The following SHROOM3 variants were observed in gnomAD, a reference collection of about 807,000 sequenced individuals.
SHROOM3 encodes protein Shroom3.
A neutral mutation model predicts 138.6 loss-of-function variants in SHROOM3; 47 were observed. The ratio of observed to expected loss-of-function variants is 0.34; its 90% CI spans 0.27 to 0.43. The LOEUF is 0.43. Among genes scored for constraint, SHROOM3 ranks in the 20% least tolerant of loss-of-function variants. The pLI is 1.00. For missense variants in SHROOM3, 2,491 were observed against 2,596.5 expected (o/e 0.96, Z 0.88); for synonymous variants, 1,062 against 1,063.3 (o/e 1.00, Z 0.02).
chr4:76,608,614 GGA>G (rs1419237328), intron 2 of SHROOM3, among the ~76,000 whole-genome samples: 30 of 99,868 alleles, frequency 3.0e-4, no homozygotes, highest in African/African-American at 7.2e-4. Context: ...GCATAGCATT[GGA>G]CAGAGATGGT....
At chr4:76,650,768 C>T (rs1435107490) in intron 2 of SHROOM3, among the ~76,000 whole-genome samples, 1 of 152,112 alleles carries the variant, frequency 6.6e-6, no homozygotes, top group African/African-American at 2.4e-5. Context: ...TGATCTTGAA[C>T]TCCTGACCTC....
At chr4:76,503,304 C>G (rs1732139787) in intron 1 of SHROOM3, among the ~76,000 whole-genome samples, 1 of 151,816 alleles carries the variant, frequency 6.6e-6, no homozygotes, top group African/African-American at 2.4e-5. Flanking sequence ...TTAATTTTCC[C>G]AGTAATATTT....
At chr4:76,707,260 C>T (rs1720084908) in intron 2 of SHROOM3, among the ~76,000 whole-genome samples, 1 of 152,108 alleles carries the variant, frequency 6.6e-6, no homozygotes, top group African/African-American at 2.4e-5. Context: ...TGAAACCTGC[C>T]AAACTGAAAG....
chr4:76,586,038 G>C (rs1244539777), intron 2 of SHROOM3: 1 of 155,816 alleles, frequency 6.4e-6, no homozygotes, highest in South Asian at 2.1e-4. Context: ...ACCACAGCAC[G>C]ACAGGCAGCT....
At chr4:76,481,724 C>A (rs952891576) in intron 1 of SHROOM3, among the ~76,000 whole-genome samples, 13 of 152,314 alleles carry the variant, frequency 8.5e-5, no homozygotes, top group African/African-American at 2.6e-4. Context: ...AGGCCAATAT[C>A]CCTGATGGAC....
At chr4:76,606,768 C>A (rs758904497) in intron 2 of SHROOM3, among the ~76,000 whole-genome samples, 1 of 152,080 alleles carries the variant, frequency 6.6e-6, no homozygotes, top group Non-Finnish European at 1.5e-5. Context: ...AAAACCTTTA[C>A]CTCTAGAGTT....
chr4:76,601,509 A>G (rs548436866), intron 2 of SHROOM3, among the ~76,000 whole-genome samples: 1 of 152,212 alleles, frequency 6.6e-6, no homozygotes, highest in Admixed American at 6.5e-5. Context: ...TGTAAGGAAA[A>G]TATACTCCTT....
chr4:76,528,036 T>A (rs1231213486), intron 1 of SHROOM3, among the ~76,000 whole-genome samples: 2 of 152,242 alleles, frequency 1.3e-5, no homozygotes, highest in African/African-American at 4.8e-5. Flanking sequence ...ATTTCTGCAC[T>A]GATGATTAAA....
rs1287550967 is a variant in SHROOM3, at chr4:76,741,849, C to T, written c.3676C>T (p.Leu1226=). 2 of 1,608,612 alleles carry T rather than the reference C, an allele frequency of 1.2e-6. No homozygotes were observed. The highest frequency in any genetic ancestry group is 2.2e-5 in the East Asian group (1 of 44,762). Reference sequence around the variant, plus strand: ...GAAGTCCATGTCGGCCGAGGACCTGCTGGAACGCTCGGACGTCCTTGCGGG... The same window carrying T: ...GAAGTCCATGTCGGCCGAGGACCTGTTGGAACGCTCGGACGTCCTTGCGGG... The part of the protein sequence containing the change: ...AGKSMSAEDL[L]ERSDVLAGPV... Residue 1226 remains leucine, a synonymous_variant, in exon 5 of 11, where the codon CTG becomes TTG. Coordinates refer to ENST00000296043, the MANE Select transcript of SHROOM3 (RefSeq NM_020859.4). This position sits in a 1 kb window ranked among gnomAD's most constrained non-coding sequence, Gnocchi z 6.2.
intron 2 of SHROOM3, among the ~76,000 whole-genome samples, chr4:76,607,976 G>A (rs890502327): frequency 1.3e-5 from 2 of 152,158 alleles, no homozygotes; most frequent in Admixed American, 6.5e-5. Context: ...AGCTGTGCAG[G>A]CTGTTCACTC....
intron 2 of SHROOM3, among the ~76,000 whole-genome samples, chr4:76,687,958 T>C (rs1043276151): frequency 3.1e-4 from 47 of 152,264 alleles, no homozygotes; most frequent in Middle Eastern, 6.8e-3. Flanking sequence ...CTGGCTGTGT[T>C]CTCCAGCTAA....
chr4:76,541,460 C>G (rs1336086756), intron 1 of SHROOM3, among the ~76,000 whole-genome samples: 1 of 152,164 alleles, frequency 6.6e-6, no homozygotes, highest in African/African-American at 2.4e-5. Context: ...GGCCAGCTAG[C>G]CTTGGCCTCT....
intron 1 of SHROOM3, among the ~76,000 whole-genome samples, chr4:76,536,206 A>G (rs1732950737): frequency 6.6e-6 from 1 of 152,198 alleles, no homozygotes; most frequent in East Asian, 1.9e-4. Flanking sequence ...CCTGAGATGC[A>G]AAACTGGAAG....
At chr4:76,509,089 T>C (rs1271343948) in intron 1 of SHROOM3, among the ~76,000 whole-genome samples, 1 of 152,236 alleles carries the variant, frequency 6.6e-6, no homozygotes, top group African/African-American at 2.4e-5. Context: ...TATTAGATCC[T>C]AACATGAATT....
At chr4:76,673,376 A>G (rs998970447) in intron 2 of SHROOM3, among the ~76,000 whole-genome samples, 38 of 151,948 alleles carry the variant, frequency 2.5e-4, no homozygotes, top group African/African-American at 8.2e-4. Context: ...AAATAATCTT[A>G]TTGGCCAATG....
rs901742612 is a variant in SHROOM3, at chr4:76,653,861, G to A, written c.324-56295G>A. Among the ~76,000 whole-genome samples the A allele has an allele frequency of 2.4e-4, 37 of 152,196 alleles. 2 individuals are homozygous for A. The highest frequency in any genetic ancestry group is 2.2e-3 in the Admixed American group (34 of 15,278). Reference sequence around the variant, plus strand: ...GCCTATGGCTTAGCTGAGCCACCATGCTCAGCTCGTTCATTTTATTTATTG... The same window carrying A: ...GCCTATGGCTTAGCTGAGCCACCATACTCAGCTCGTTCATTTTATTTATTG... On this transcript the variant is annotated intron_variant, in intron 2 of 10. Coordinates refer to ENST00000296043, the MANE Select transcript of SHROOM3 (RefSeq NM_020859.4).
intron 2 of SHROOM3, chr4:76,586,250 C>G: frequency 1.0e-6 from 1 of 985,606 alleles, no homozygotes; most frequent in Non-Finnish European, 1.2e-6. Context: ...AGGTTCCCAG[C>G]GGAGGTGCGT....
chr4:76,756,304 A>C (rs1721807830), intron 7 of SHROOM3, 145 bp from the exon 8 acceptor site: 2 of 959,706 alleles, frequency 2.1e-6, no homozygotes, highest in Non-Finnish European at 3.1e-6. Context: ...CTCTGTCAGT[A>C]ACATGTGGAA....
At position 76,739,684 on chromosome 4, in the gene SHROOM3, C is replaced by G. The variant is rs745571039; in HGVS notation, c.1511C>G (p.Pro504Arg). Residue 504 changes from proline to arginine, a missense_variant, in exon 5 of 11, where the codon CCT (proline) becomes CGT (arginine). Physicochemically the swap from Pro to Arg is moderately radical, Grantham distance 103. Transcript: ENST00000296043. ...GCCAAGGAGAGTGGATACATAGCCC[C>G]TCAGGGAGCATGCAACAAGATGGCT... ...ALAKESGYIA[P>R]QGACNKMATI... 1.2e-6 allele frequency: 2 copies of G among 1,614,046 alleles called. No homozygotes were observed. The highest frequency in any genetic ancestry group is 1.3e-5 in the African/African-American group (1 of 74,930).
Sources: gnomAD v4.1 joint callset for allele counts (sites outside exome capture counted in the v4.1 genomes callset) on GRCh38, gnomAD v4.1.1 for gene constraint, Gnocchi (gnomAD v3.1) non-coding constraint, MANE v1.5 for transcripts, NCBI Gene and HGNC (gene_info 2026-07-23, HGNC 2026-07-21) for gene names.